Variants in MARK3 observed in about 807,000 individuals in gnomAD.
MARK3 encodes microtubule affinity regulating kinase 3.
In MARK3, 46 loss-of-function variants were observed where a neutral mutation model predicts 90.1. The ratio of observed to expected loss-of-function variants is 0.51; its 90% confidence interval spans 0.40 to 0.65. The LOEUF is 0.65. Ranked by LOEUF, MARK3 falls within the 30% of genes least tolerant of loss-of-function variation. MARK3 has a pLI of 0.00. For missense variants in MARK3, 818 were observed against 947.2 expected (o/e 0.86, Z 1.79); for synonymous variants, 321 against 332.6 (o/e 0.97, Z 0.38).
In MARK3 at chr14:103,425,404, A is replaced by G. The variant is rs530245704; in HGVS notation, c.244-2983A>G. ...CCTTTCAAGTAGCTGGTGGGATTAT[A>G]GGCATCCGCCACCAAGCTCAGCTAA... On this transcript the variant is annotated intron_variant, in intron 2 of 17. Transcript: ENST00000429436. Among the ~76,000 whole-genome samples, 19 of 151,542 alleles carry G rather than the reference A, an allele frequency of 1.3e-4. 1 individual carries two copies. In the South Asian group the frequency reaches 3.8e-3, roughly 30 times the overall value.
intron 2 of MARK3, among the ~76,000 whole-genome samples, chr14:103,408,584 G>T (rs1383578817): frequency 1.3e-5 from 2 of 152,142 alleles, no homozygotes; most frequent in Non-Finnish European, 2.9e-5. Context: ...GACACATATG[G>T]CGTAGCATTC....
intron 1 of MARK3, among the ~76,000 whole-genome samples, chr14:103,389,383 C>A (rs2090053184): frequency 6.7e-6 from 1 of 148,848 alleles, no homozygotes; most frequent in East Asian, 2.0e-4. Context: ...AAAAAATTAG[C>A]CAGGTGCGGT....
chr14:103,441,232 C>T (rs1380919646), intron 3 of MARK3, among the ~76,000 whole-genome samples: 1 of 152,066 alleles, frequency 6.6e-6, no homozygotes, highest in Non-Finnish European at 1.5e-5. Context: ...AAAGCAGTTA[C>T]ATTTATCAGT....
At chr14:103,462,151 G>A (rs1034147569) in intron 6 of MARK3, among the ~76,000 whole-genome samples, 7 of 152,058 alleles carry the variant, frequency 4.6e-5, no homozygotes, top group South Asian at 2.1e-4. Flanking sequence ...GAATGTCAAC[G>A]GATAGGGTCC....
chr14:103,392,806 C>CTT lies in MARK3; in HGVS notation c.51+6738_51+6739dup, dbSNP rs35611427. ...ATGTAATATGGTTTTATTTAATTAG[C>CTT]TTTTTTTTTTTTTAAATTTCCTGAG... On this transcript the variant is annotated intron_variant, in intron 1 of 17. Coordinates refer to ENST00000429436, the MANE Select transcript of MARK3 (RefSeq NM_001128918.3). Among the ~76,000 whole-genome samples, 194 of 146,804 alleles carry CTT rather than the reference C, an allele frequency of 1.3e-3. 1 individual carries two copies. Among genetic ancestry groups the CTT allele is most frequent in the South Asian group, 2.6e-3 (12 of 4,698 alleles).
intron 1 of MARK3, chr14:103,386,418 G>A (rs1412330431): frequency 3.3e-6 from 2 of 608,496 alleles, no homozygotes; most frequent in Admixed American, 4.3e-5. Flanking sequence ...AGTGGTCAGT[G>A]CTTATTTTAG....
intron 3 of MARK3, among the ~76,000 whole-genome samples, chr14:103,434,726 T>C (rs1261738617): frequency 6.6e-6 from 1 of 152,214 alleles, no homozygotes; most frequent in Non-Finnish European, 1.5e-5. Flanking sequence ...TGGCAAGTTG[T>C]AGCCAGATAT....
intron 5 of MARK3, among the ~76,000 whole-genome samples, chr14:103,456,476 G>A (rs1171086194): frequency 6.6e-6 from 1 of 152,078 alleles, no homozygotes; most frequent in Non-Finnish European, 1.5e-5. Flanking sequence ...TAATTACTGT[G>A]GAATCTTACC....
At chr14:103,488,752 G>C (rs985924555) in intron 14 of MARK3, among the ~76,000 whole-genome samples, 1 of 152,174 alleles carries the variant, frequency 6.6e-6, no homozygotes, top group Non-Finnish European at 1.5e-5. Flanking sequence ...TAGGAGGATC[G>C]CTTGACCCCA....
intron 3 of MARK3, among the ~76,000 whole-genome samples, chr14:103,430,920 G>C (rs573425750): frequency 1.3e-5 from 2 of 151,660 alleles, no homozygotes; most frequent in Non-Finnish European, 2.9e-5. Context: ...GGCTGGACTC[G>C]AACTCCTGGG....
intron 12 of MARK3, chr14:103,469,255 C>T (rs2093579453): frequency 6.6e-6 from 1 of 152,002 alleles, no homozygotes; most frequent in South Asian, 2.1e-4. Flanking sequence ...GATCTTGGCT[C>T]ACTGCAACCT....
At chr14:103,386,146 C>T (rs1362100410) in intron 1 of MARK3, 66 bp downstream of exon 1, 1 of 1,462,676 alleles carries the variant, frequency 6.8e-7, no homozygotes, top group African/African-American at 1.4e-5. Flanking sequence ...CGGGCAGTGC[C>T]TTGCAGTCGG....
At chr14:103,481,876 C>T (rs1196035194) in intron 14 of MARK3, among the ~76,000 whole-genome samples, 1 of 142,618 alleles carries the variant, frequency 7.0e-6, no homozygotes, top group Non-Finnish European at 1.5e-5. Context: ...ACGCCATTCT[C>T]CTGCCTCAGC....
At position 103,491,858 on chromosome 14, in the gene MARK3, A is replaced by G; in HGVS notation, c.1668A>G (p.Pro556=). ...SAATPDRIRF[P]RGTASRSTFH... ...CCACCCCAGATCGAATCCGCTTCCC[A>G]AGAGGCACTGCCAGTCGTAGCACTT... Residue 556 remains proline, a synonymous_variant, in exon 15 of 18, where the codon CCA becomes CCG. Coordinates refer to ENST00000429436, the MANE Select transcript of MARK3 (RefSeq NM_001128918.3). The G allele has an allele frequency of 6.2e-7, 1 of 1,614,162 alleles. No individual in the cohort carries two copies. Among genetic ancestry groups the G allele is most frequent in the East Asian group, 2.2e-5 (1 of 44,884 alleles).
chr14:103,496,613 A>C (rs892129763), intron 15 of MARK3, among the ~76,000 whole-genome samples: 2 of 151,318 alleles, frequency 1.3e-5, no homozygotes, highest in Non-Finnish European at 2.9e-5. Context: ...GGGTTTCACC[A>C]TGTTGGCCAG....
At chr14:103,452,030 T>G in intron 5 of MARK3, 47 bp downstream of exon 5, 11 of 1,318,954 alleles carry the variant, frequency 8.3e-6, no homozygotes, top group Non-Finnish European at 1.2e-5. Flanking sequence ...TTCTCCCTTT[T>G]AAAAAAATAC....
chr14:103,491,962 C>T lies in MARK3; in HGVS notation c.1772C>T (p.Thr591Ile), dbSNP rs1263899147. 6.2e-7 allele frequency: 1 copy of T among 1,614,184 alleles called. No individual in the cohort carries two copies. Among genetic ancestry groups the T allele is most frequent in the Admixed American group, 1.7e-5 (1 of 60,008 alleles). The stretch of plus-strand genomic sequence containing the variant: ...TCTCCCAGCCTGTCCCATGAAGCCA[C>T]ACCATTGTCCCAGACTCGAAGCCGA... The part of the protein sequence containing the change: ...PASPSLSHEA[T>I]PLSQTRSRGS... The change falls in exon 15 of 18, where the codon ACA becomes ATA. Residue 591 changes from threonine (T) to isoleucine (I), a missense_variant. Thr to Ile is a moderately conservative substitution (Grantham distance 89). This residue lies in a region of MARK3 where 560 missense variants were observed against 613.5 expected (regional missense o/e 0.91). Coordinates refer to ENST00000429436, the MANE Select transcript of MARK3 (RefSeq NM_001128918.3).
At chr14:103,481,713 A>G (rs1296576940) in intron 14 of MARK3, among the ~76,000 whole-genome samples, 1 of 146,974 alleles carries the variant, frequency 6.8e-6, no homozygotes, top group African/African-American at 2.5e-5. Context: ...TGAGTATAGC[A>G]GCTGGGGTAG....
At chr14:103,483,997 A>C (rs187671603) in intron 14 of MARK3, among the ~76,000 whole-genome samples, 13 of 152,266 alleles carry the variant, frequency 8.5e-5, no homozygotes, top group Admixed American at 7.8e-4. Context: ...GACTAAACCT[A>C]ATCTTTCAAG....
Sources: allele counts gnomAD v4.1 joint callset (sites outside exome capture counted in the v4.1 genomes callset), GRCh38; gene constraint gnomAD v4.1.1; regional missense constraint gnomAD v4.1.1; transcripts MANE v1.5; gene names NCBI Gene and HGNC (gene_info 2026-07-23, HGNC 2026-07-21).